The following EVC variants were observed in gnomAD, a reference collection of about 807,000 sequenced individuals.
The protein encoded by EVC is EvC ciliary complex subunit 1, also known as evC complex member EVC.
Under a neutral mutation model 118.9 loss-of-function variants are expected in EVC, and 116 were observed. That is an observed-to-expected ratio of 0.98 (90% CI 0.84 to 1.14). EVC has a LOEUF of 1.14. EVC is among the 50% of genes most tolerant of loss of function. EVC has a pLI of 0.00. For missense variants in EVC, 1,401 were observed against 1,246.4 expected (o/e 1.12, Z -1.87); for synonymous variants, 619 against 534.7 (o/e 1.16, Z -2.18).
At chr4:5,827,625 C>A in the EVC span, among the ~76,000 whole-genome samples, 1 of 150,084 alleles carries the variant, frequency 6.7e-6, no homozygotes, top group African/African-American at 2.5e-5. Flanking sequence ...CACGCGCACA[C>A]ACACACACTC....
chr4:5,776,351 C>T (rs1031037058), intron 11 of EVC, among the ~76,000 whole-genome samples: 7 of 152,032 alleles, frequency 4.6e-5, no homozygotes, highest in African/African-American at 7.3e-5. Context: ...AAAAGTGACC[C>T]TGTGTTTACT....
intron 12 of EVC, among the ~76,000 whole-genome samples, chr4:5,784,606 ATTTTTTTTTTTT>A (rs35237111): frequency 9.0e-6 from 1 of 111,218 alleles, no homozygotes; most frequent in African/African-American, 3.5e-5. Context: ...ATACACATTG[ATTTTTTTTTTTT>A]TTTTTTTTTT....
chr4:5,731,532 G>C lies in EVC; in HGVS notation c.492G>C (p.Leu164=). 1 of 1,614,118 alleles carries C rather than the reference G, an allele frequency of 6.2e-7. No individual in the cohort carries two copies. Among genetic ancestry groups the C allele is most frequent in the Non-Finnish European group, 8.5e-7 (1 of 1,180,010 alleles). The change falls in exon 4 of 21, where the codon CTG becomes CTC. Residue 164 remains leucine, a synonymous_variant. Coordinates refer to ENST00000264956, the MANE Select transcript of EVC (RefSeq NM_153717.3). The surrounding 1 kb of genome is among the most constrained non-coding windows in gnomAD (Gnocchi z 5.6). ...EASPSSSLGS[L]SQGEKDDCSS... ...CTCCTTCCAGCAGTCTGGGGAGCCT[G>C]AGCCAGGGTGAGAAGGACGACTGCA... is the stretch of plus-strand genomic sequence containing the variant.
chr4:5,773,807 T>G (rs1000179978), intron 11 of EVC, among the ~76,000 whole-genome samples: 9 of 152,134 alleles, frequency 5.9e-5, no homozygotes, highest in Admixed American at 1.3e-4. Context: ...AGCTCACCTG[T>G]GCTCTCCAGG....
chr4:5,711,571 G>C lies in EVC; in HGVS notation c.174+17G>C, dbSNP rs1577298003. 8.5e-7 allele frequency: 1 copy of C among 1,171,764 alleles called. No homozygotes were observed. The highest frequency in any genetic ancestry group is 1.1e-6 in the Non-Finnish European group (1 of 949,352). 72.6% of individuals were successfully genotyped at this position (1,171,764 alleles called of 1,614,324 possible). A position where few individuals can be genotyped will look rare whatever the true frequency, so the allele number is the denominator to read the frequency against. ...CGACACCAGGTGGGTCGGCCGAGCAGACAGCGGCGGGGCGGGGAGCGCGGG... is the reference window on the plus strand; with the variant it reads ...CGACACCAGGTGGGTCGGCCGAGCACACAGCGGCGGGGCGGGGAGCGCGGG... On this transcript the variant is annotated intron_variant, in intron 1 of 20. Coordinates refer to ENST00000264956, the MANE Select transcript of EVC (RefSeq NM_153717.3).
chr4:5,761,289 G>T (rs932452424), intron 11 of EVC, among the ~76,000 whole-genome samples: 5 of 152,060 alleles, frequency 3.3e-5, no homozygotes, highest in Non-Finnish European at 7.3e-5. Context: ...GTTGAGCCCA[G>T]TGGGGATGAG....
In EVC at chr4:5,727,440, G is replaced by T. The variant is rs1207133404; in HGVS notation, c.301-1867G>T. 1.2e-4 allele frequency among the ~76,000 whole-genome samples: 19 copies of T among 152,080 alleles called. No individual in the cohort carries two copies. In the East Asian group the frequency reaches 1.9e-3, roughly 16 times the overall value. ...GGTTGTTTGTTTTTTTCTTGTAAAT[G>T]TGTTTGAGTTCATTGTAGATTCTGG... On this transcript the variant is annotated intron_variant, in intron 2 of 20. Coordinates refer to ENST00000264956, the MANE Select transcript of EVC (RefSeq NM_153717.3).
chr4:5,721,004 A>G (rs367982098), intron 2 of EVC, among the ~76,000 whole-genome samples: 1 of 151,760 alleles, frequency 6.6e-6, no homozygotes, highest in Admixed American at 6.6e-5. Flanking sequence ...GTGTCTGTGT[A>G]TGTCCCAGTC....
At chr4:5,767,930 A>G (rs923208252) in intron 11 of EVC, among the ~76,000 whole-genome samples, 1 of 151,940 alleles carries the variant, frequency 6.6e-6, no homozygotes, top group Non-Finnish European at 1.5e-5. Flanking sequence ...CCCTCCCCCC[A>G]CCGGCAGCTT....
At position 5,749,048 on chromosome 4, in the gene EVC, G is replaced by A. The variant is rs999860105; in HGVS notation, c.1098+742G>A. On this transcript the variant is annotated intron_variant, in intron 8 of 20. Transcript: ENST00000264956. The surrounding 1 kb of genome is among the most constrained non-coding windows in gnomAD (Gnocchi z 4.4). Reference sequence around the variant, plus strand: ...GTGGGAGCTGGGGTTGACGCCCACTGGTGTAGACAGAGCATTGATTGACTT... The same window carrying A: ...GTGGGAGCTGGGGTTGACGCCCACTAGTGTAGACAGAGCATTGATTGACTT... Among the ~76,000 whole-genome samples the A allele has an allele frequency of 2.0e-5, 3 of 152,008 alleles. No homozygotes were observed. The highest frequency in any genetic ancestry group is 7.3e-5 in the African/African-American group (3 of 41,372).
chr4:5,806,085 CTTT>C (rs113680421), intron 17 of EVC, among the ~76,000 whole-genome samples: 1 of 144,548 alleles, frequency 6.9e-6, no homozygotes, highest in Non-Finnish European at 1.5e-5. Flanking sequence ...CTTCCACTCT[CTTT>C]TTTTTTTTTG....
chr4:5,788,433 A>G (rs10001029), intron 12 of EVC, among the ~76,000 whole-genome samples: 4 of 152,232 alleles, frequency 2.6e-5, no homozygotes, highest in Admixed American at 2.6e-4. Context: ...CCAAATTTAC[A>G]TGCTCAGCTC....
intron 2 of EVC, among the ~76,000 whole-genome samples, chr4:5,726,664 G>A (rs1260816475): frequency 1.3e-5 from 2 of 149,490 alleles, no homozygotes; most frequent in Non-Finnish European, 3.0e-5. Context: ...CTGGTGCGCT[G>A]CACCCACTAA....
intron 12 of EVC, among the ~76,000 whole-genome samples, chr4:5,784,956 G>A (rs746627099): frequency 4.5e-4 from 69 of 151,980 alleles, no homozygotes; most frequent in Non-Finnish European, 8.1e-4. Flanking sequence ...ATTAAAGAAG[G>A]CATTTCCAAA....
chr4:5,731,947 G>C lies in EVC; in HGVS notation c.617+290G>C, dbSNP rs552240706. ...AGCTACTGGCGAAGTTGATTAAGTG[G>C]GTACTTCTGAGTACCGGGCAGAGTG... On this transcript the variant is annotated intron_variant, in intron 4 of 20. Transcript: ENST00000264956. The surrounding 1 kb of genome is among the most constrained non-coding windows in gnomAD (Gnocchi z 5.6). 2.1e-5 allele frequency among the ~76,000 whole-genome samples: 3 copies of C among 144,038 alleles called. No homozygotes were observed. Among genetic ancestry groups the C allele is most frequent in the Admixed American group, 2.0e-4 (3 of 14,730 alleles). 94.5% of individuals were successfully genotyped at this position (144,038 alleles called of 152,430 possible).
intron 7 of EVC, among the ~76,000 whole-genome samples, chr4:5,745,982 C>A (rs1304338799): frequency 1.3e-5 from 2 of 152,148 alleles, no homozygotes; most frequent in East Asian, 1.9e-4. Flanking sequence ...GGGAAGAGTT[C>A]ATTTTACCCC....
intron 11 of EVC, among the ~76,000 whole-genome samples, chr4:5,769,527 A>T (rs1318581184): frequency 6.6e-6 from 1 of 152,124 alleles, no homozygotes; most frequent in Non-Finnish European, 1.5e-5. Context: ...CTTGGGATGG[A>T]TGCTGTGCGA....
the EVC span, chr4:5,825,795 GCACA>G: frequency 1.3e-6 from 1 of 789,948 alleles, no homozygotes; most frequent in Non-Finnish European, 2.0e-6. This position sits in a 1 kb window ranked among gnomAD's most constrained non-coding sequence, Gnocchi z 4.4. Flanking sequence ...CACACAACAC[GCACA>G]CACGACAGGT....
chr4:5,719,221 C>A lies in EVC; in HGVS notation c.175-27C>A, dbSNP rs1235938090. On this transcript the variant is annotated intron_variant, in intron 1 of 20. Coordinates refer to ENST00000264956, the MANE Select transcript of EVC (RefSeq NM_153717.3). This position sits in a 1 kb window ranked among gnomAD's most constrained non-coding sequence, Gnocchi z 4.7. Reference sequence around the variant, plus strand: ...ACCTCAATGTTGTGTTTCTATCCACCCCCAACTCCTGACCTTCGGGTTTTA... The same window carrying A: ...ACCTCAATGTTGTGTTTCTATCCACACCCAACTCCTGACCTTCGGGTTTTA... 2.5e-6 allele frequency: 4 copies of A among 1,614,018 alleles called. No homozygotes were observed. The African/African-American group carries it at 4.0e-5, about 16-fold the overall frequency.
Sources: allele counts gnomAD v4.1 joint callset (sites outside exome capture counted in the v4.1 genomes callset), GRCh38; gene constraint gnomAD v4.1.1; non-coding constraint Gnocchi (gnomAD v3.1); transcripts MANE v1.5; gene names NCBI Gene and HGNC (gene_info 2026-07-23, HGNC 2026-07-21).